TLK1: variants seen among roughly 807,000 people sequenced by gnomAD.
TLK1 encodes tousled like kinase 1, also known as serine/threonine-protein kinase tousled-like 1.
Under a neutral mutation model 105.3 loss-of-function variants are expected in TLK1, and 24 were observed. The observed-to-expected ratio is 0.23, with a 90% CI of 0.17 to 0.32. The LOEUF (loss-of-function observed/expected upper bound fraction) is 0.32. Among genes scored for constraint, TLK1 ranks in the 10% least tolerant of loss-of-function variants. The pLI is 1.00. For missense variants in TLK1, 558 were observed against 910.5 expected (o/e 0.61, Z 4.98); for synonymous variants, 321 against 310.4 (o/e 1.03, Z -0.36).
At chr2:171,153,298 T>C (rs1692112995) in intron 1 of TLK1, among the ~76,000 whole-genome samples, 1 of 152,216 alleles carries the variant, frequency 6.6e-6, no homozygotes, top group Non-Finnish European at 1.5e-5. Flanking sequence ...CTCAGAGTTA[T>C]GAGATATAAG....
intron 3 of TLK1, among the ~76,000 whole-genome samples, chr2:171,072,635 G>C (rs569588278): frequency 6.6e-6 from 1 of 152,302 alleles, no homozygotes; most frequent in South Asian, 2.1e-4. Context: ...AAGCGTGGTG[G>C]TGGGCGCCTG....
chr2:171,151,586 C>T (rs1390475851), intron 1 of TLK1, among the ~76,000 whole-genome samples: 8 of 151,388 alleles, frequency 5.3e-5, no homozygotes, highest in Admixed American at 1.3e-4. Context: ...ACCATTCTCC[C>T]GCCTCAGCCT....
chr2:171,107,432 A>G (rs963535608), intron 2 of TLK1, among the ~76,000 whole-genome samples: 1 of 152,204 alleles, frequency 6.6e-6, no homozygotes, highest in African/African-American at 2.4e-5. Context: ...GCCTTAATCA[A>G]TAATTATATT....
At chr2:171,061,671 G>A (rs1211005796) in intron 3 of TLK1, among the ~76,000 whole-genome samples, 1 of 152,176 alleles carries the variant, frequency 6.6e-6, no homozygotes, top group East Asian at 1.9e-4. Flanking sequence ...AACCGTTATA[G>A]CCAATTCACA....
chr2:171,221,612 G>T (rs934681559), intron 1 of TLK1, among the ~76,000 whole-genome samples: 16 of 152,032 alleles, frequency 1.1e-4, no homozygotes, highest in African/African-American at 3.9e-4. Context: ...CTCAGCTCAG[G>T]CTGCCTTAAC....
At chr2:171,136,616 G>A (rs16859176) in intron 1 of TLK1, among the ~76,000 whole-genome samples, 17,340 of 152,098 alleles carry the variant, frequency 0.11, 1,550 homozygotes, top group African/African-American at 0.24. Context: ...ATTTTATGTC[G>A]TGTGTTTTTT....
At chr2:171,210,740 A>T (rs945044630) in intron 1 of TLK1, among the ~76,000 whole-genome samples, 1 of 152,196 alleles carries the variant, frequency 6.6e-6, no homozygotes, top group Non-Finnish European at 1.5e-5. Flanking sequence ...ACTAAACTAA[A>T]CTAGGACAAT....
intron 3 of TLK1, among the ~76,000 whole-genome samples, chr2:171,061,856 G>A (rs1017368569): frequency 5.9e-5 from 9 of 151,978 alleles, no homozygotes; most frequent in Admixed American, 5.9e-4. Flanking sequence ...TCAAGTTTCA[G>A]TATTCCTAAT....
At chr2:171,133,427 T>C (rs1691183586) in intron 1 of TLK1, among the ~76,000 whole-genome samples, 1 of 152,070 alleles carries the variant, frequency 6.6e-6, no homozygotes, top group Non-Finnish European at 1.5e-5. Flanking sequence ...GGAAACCCTG[T>C]CTCTACTAAA....
intron 1 of TLK1, among the ~76,000 whole-genome samples, chr2:171,191,476 G>T (rs73017282): frequency 0.11 from 16,376 of 151,892 alleles, 1,345 homozygotes; most frequent in African/African-American, 0.23. Flanking sequence ...CTACTACAGG[G>T]ACTGGGGCAG....
At chr2:171,119,790 T>A (rs1690579078) in intron 1 of TLK1, among the ~76,000 whole-genome samples, 1 of 152,156 alleles carries the variant, frequency 6.6e-6, no homozygotes, top group Non-Finnish European at 1.5e-5. Context: ...TTGAGTTGGA[T>A]CCTTACTTTA....
Position 171,055,148 on chromosome 2 carries a change from T to G in TLK1, c.574A>C (p.Thr192Pro). Reference protein sequence around the residue: ...SSVRPNSPSPTALAFGDHPIV... With the variant: ...SSVRPNSPSPPALAFGDHPIV... ...GGGTGGTCCCCAAATGCTAATGCAGTAGGAGAAGGGCTATTCGGTCGAACC... is the reference window on the plus strand; with the variant it reads ...GGGTGGTCCCCAAATGCTAATGCAGGAGGAGAAGGGCTATTCGGTCGAACC... Residue 192 changes from threonine to proline, a missense_variant, in exon 7 of 21, where the codon ACT (threonine) becomes CCT (proline). Transcript: ENST00000431350. The G allele has an allele frequency of 1.3e-6, 2 of 1,487,992 alleles. No homozygotes were observed. Among genetic ancestry groups the G allele is most frequent in the Non-Finnish European group, 1.8e-6 (2 of 1,127,994 alleles). 92.2% of individuals were successfully genotyped at this position (1,487,992 alleles called of 1,614,324 possible). A position where few individuals can be genotyped will look rare whatever the true frequency, so the allele number is the denominator to read the frequency against.
chr2:171,032,410 A>T (rs901013094), intron 11 of TLK1, among the ~76,000 whole-genome samples: 2 of 152,236 alleles, frequency 1.3e-5, no homozygotes, highest in African/African-American at 4.8e-5. Flanking sequence ...GCAGGGTATG[A>T]GAGCAATGCA....
chr2:170,998,278 C>G (rs1297581539), intron 18 of TLK1, among the ~76,000 whole-genome samples: 1 of 152,176 alleles, frequency 6.6e-6, no homozygotes, highest in Non-Finnish European at 1.5e-5. Context: ...TTTGTTCAAA[C>G]AACTTCGACA....
At chr2:171,029,296 TA>T (rs1051129313) in intron 11 of TLK1, among the ~76,000 whole-genome samples, 1 of 151,800 alleles carries the variant, frequency 6.6e-6, no homozygotes, top group Admixed American at 6.6e-5. Context: ...GTGTTGGGAG[TA>T]AATAAGCAAG....
At chr2:171,136,522 C>A (rs1691332867) in intron 1 of TLK1, among the ~76,000 whole-genome samples, 1 of 152,106 alleles carries the variant, frequency 6.6e-6, no homozygotes, top group South Asian at 2.1e-4. Context: ...TGCACTCCAG[C>A]CTGGGTGACA....
intron 1 of TLK1, among the ~76,000 whole-genome samples, chr2:171,132,075 A>G (rs1691125686): frequency 6.6e-6 from 1 of 152,214 alleles, no homozygotes; most frequent in East Asian, 1.9e-4. Flanking sequence ...TCACACTGCT[A>G]TGAAGAAATA....
In TLK1 at chr2:171,193,699, CATTT is replaced by C. The variant is rs1461645187; in HGVS notation, c.-6+37442_-6+37445del. ...TATAGGCGTGAGCCACAGCGCCTGG[CATTT>C]TTTTTTTTTTTTTTTTTTTTTTTTT... On this transcript the variant is annotated intron_variant, in intron 1 of 20. Transcript: ENST00000521943. Among the ~76,000 whole-genome samples, 81 of 103,232 alleles carry C rather than the reference CATTT, an allele frequency of 7.8e-4. 1 individual carries two copies. Among genetic ancestry groups the C allele is most frequent in the African/African-American group, 2.1e-3 (54 of 25,130 alleles). 67.7% of individuals were successfully genotyped at this position (103,232 alleles called of 152,430 possible).
chr2:171,207,816 G>A (rs893243715), intron 1 of TLK1, among the ~76,000 whole-genome samples: 3 of 152,208 alleles, frequency 2.0e-5, no homozygotes, highest in African/African-American at 4.8e-5. Flanking sequence ...CACCTCCCAC[G>A]TCCAAGTGAT....
Sources: gnomAD v4.1 joint callset for allele counts (sites outside exome capture counted in the v4.1 genomes callset) on GRCh38, gnomAD v4.1.1 for gene constraint, MANE v1.5 for transcripts, NCBI Gene and HGNC (gene_info 2026-07-23, HGNC 2026-07-21) for gene names.